CLEC16A: variants seen among roughly 807,000 people sequenced by gnomAD.
The protein encoded by CLEC16A is C-type lectin domain containing 16A.
CLEC16A carries 51 observed loss-of-function variants against 109.5 expected under a neutral mutation model. That is an observed-to-expected ratio of 0.47 (90% CI 0.37 to 0.59). The LOEUF (loss-of-function observed/expected upper bound fraction) is 0.59, where lower values mean the gene tolerates loss of function less well. Ranked by LOEUF, CLEC16A falls within the 20% of genes least tolerant of loss-of-function variation. The probability of loss-of-function intolerance (pLI) is 0.00; values close to 1 mark genes in which losing one functional copy is unlikely to be tolerated. For synonymous variants in CLEC16A, 673 were observed against 564.2 expected, an observed-to-expected ratio of 1.19 and a Z score of -2.73; for missense variants, 1,339 against 1,394.0, an observed-to-expected ratio of 0.96 and a Z score of 0.63.
chr16:11,177,525 G>A (rs529553504), intron 23 of CLEC16A, among the ~76,000 whole-genome samples: 9 of 152,072 alleles, frequency 5.9e-5, no homozygotes, highest in Admixed American at 3.9e-4. Flanking sequence ...ACTTGACCCC[G>A]GGAGGTGGAA....
Position 11,166,567 on chromosome 16 carries a change from A to C in CLEC16A, c.2806+15A>C. On this transcript the variant is annotated intron_variant, in intron 23 of 23. Transcript: ENST00000409790. ...GAGTCCAGCAGGTATTGGCCACGTG[A>C]CTCAGTGATATGGGGACATTTGGAG... 1 of 1,570,932 alleles carries C rather than the reference A, an allele frequency of 6.4e-7. No homozygotes were observed. The highest frequency in any genetic ancestry group is 8.6e-7 in the Non-Finnish European group (1 of 1,158,542).
chr16:11,155,304 A>G lies in CLEC16A; in HGVS notation c.2642-11084A>G, dbSNP rs1473864212. Among the ~76,000 whole-genome samples the G allele has an allele frequency of 2.6e-5, 4 of 152,336 alleles. 1 individual carries two copies. The South Asian group carries it at 6.2e-4, about 24-fold the overall frequency. On this transcript the variant is annotated intron_variant, in intron 22 of 23. Coordinates refer to ENST00000409790, the MANE Select transcript of CLEC16A (RefSeq NM_015226.3). ...TGTCACTCTGCTTTAGAGTGACAAC[A>G]GTGCTTTAGAGGACACAGGCTCGTG...
chr16:10,969,070 A>T, intron 3 of CLEC16A, 91 bp from the exon 4 acceptor site: 1 of 1,074,932 alleles, frequency 9.3e-7, no homozygotes. Flanking sequence ...GGCTTACCTG[A>T]TTCAAGTACA....
Position 11,043,720 on chromosome 16 carries a change from C to G in CLEC16A, c.1771-308C>G, listed in dbSNP as rs192680751. On this transcript the variant is annotated intron_variant, in intron 15 of 23. Transcript: ENST00000409790. The stretch of plus-strand genomic sequence containing the variant: ...TCTCTACTAAAAATACAAAAATTAG[C>G]CAGGCATGGTGATGGGTGCCTGTAA... 1.6e-3 allele frequency among the ~76,000 whole-genome samples: 242 copies of G among 152,100 alleles called. 1 individual carries two copies. Among genetic ancestry groups the G allele is most frequent in the African/African-American group, 5.5e-3 (228 of 41,492 alleles).
rs2068950831 is a variant in CLEC16A, at chr16:11,181,314, T to C, written c.*2624T>C. The stretch of plus-strand genomic sequence containing the variant: ...TGGCATCCAGAGGAAGAGCCAGGAG[T>C]GTGGGAAGGCCCACAGTGGGGGCTG... On this transcript the variant is annotated 3_prime_UTR_variant, in exon 24 of 24. Coordinates refer to ENST00000409790, the MANE Select transcript of CLEC16A (RefSeq NM_015226.3). 6.6e-6 allele frequency: 1 copy of C among 151,824 alleles called. No homozygotes were observed. Among genetic ancestry groups the C allele is most frequent in the Admixed American group, 6.6e-5 (1 of 15,262 alleles). 9.4% of individuals were successfully genotyped at this position (151,824 alleles called of 1,614,324 possible).
intron 11 of CLEC16A, among the ~76,000 whole-genome samples, chr16:11,015,454 G>A (rs1302322357): frequency 6.6e-6 from 1 of 152,184 alleles, no homozygotes. Context: ...CCAGACGGTG[G>A]TTTTCAAGCA....
chr16:11,048,043 T>A (rs2047725930), intron 17 of CLEC16A: 1 of 152,274 alleles, frequency 6.6e-6, no homozygotes. Context: ...GTCTCACCAT[T>A]CAAGGTGCGA....
Position 11,075,424 on chromosome 16 carries a change from GTGTA to G in CLEC16A, c.2116+14406_2116+14409del, listed in dbSNP as rs1306426354. On this transcript the variant is annotated intron_variant, in intron 19 of 23. Transcript: ENST00000409790. ...TGTGTGTGTGTGTCTGTGTGTGTGT[GTGTA>G]TGTGTGTGTGTGTGTGTGTGTGTTT... Among the ~76,000 whole-genome samples the G allele has an allele frequency of 7.9e-3, 1,163 of 147,228 alleles. 16 individuals carry two copies. The highest frequency in any genetic ancestry group is 0.024 in the African/African-American group (927 of 38,970).
In CLEC16A at chr16:11,047,752, T is replaced by C. The variant is rs150647828; in HGVS notation, c.1866+410T>C. 738 of 153,384 alleles carry C rather than the reference T, an allele frequency of 4.8e-3. 6 individuals carry two copies. The highest frequency in any genetic ancestry group is 9.9e-3 in the Middle Eastern group (3 of 302). The allele number at this position is 153,384 out of a possible 1,614,324, so 9.5% of individuals were successfully genotyped here. A position where few individuals can be genotyped will look rare whatever the true frequency, so the allele number is the denominator to read the frequency against. On this transcript the variant is annotated intron_variant, in intron 17 of 23. Coordinates refer to ENST00000409790, the MANE Select transcript of CLEC16A (RefSeq NM_015226.3). ...CTCTTCTCATACTGCTACGCAGAAA[T>C]ACCCAAGACTGGGTAATTTATAAAG...
At chr16:11,062,546 C>G (rs2048539653) in intron 19 of CLEC16A, among the ~76,000 whole-genome samples, 1 of 152,140 alleles carries the variant, frequency 6.6e-6, no homozygotes, top group Non-Finnish European at 1.5e-5. Flanking sequence ...TAGTGCCTAC[C>G]GTGTAACTGT....
intron 19 of CLEC16A, among the ~76,000 whole-genome samples, chr16:11,118,000 G>T (rs1159443621): frequency 6.6e-6 from 1 of 151,868 alleles, no homozygotes; most frequent in East Asian, 1.9e-4. Context: ...TTTAGACAGG[G>T]TCTCGCTTTT....
chr16:11,146,042 G>A (rs1324780938), intron 22 of CLEC16A, among the ~76,000 whole-genome samples: 1 of 152,206 alleles, frequency 6.6e-6, no homozygotes, highest in Non-Finnish European at 1.5e-5. Flanking sequence ...CCTATTTGGA[G>A]GGCCCTGACC....
chr16:10,953,976 C>CAAA (rs55810681), intron 1 of CLEC16A, among the ~76,000 whole-genome samples: 17,415 of 145,370 alleles, frequency 0.12, 1,059 homozygotes, highest in South Asian at 0.14. Context: ...GACTCCGTCT[C>CAAA]AAAAAAAAAA....
chr16:11,095,817 G>GAAAAAAAAA (rs34366897), intron 19 of CLEC16A, among the ~76,000 whole-genome samples: 2 of 105,874 alleles, frequency 1.9e-5, no homozygotes, highest in Non-Finnish European at 3.8e-5. Flanking sequence ...GTCTCAAAAA[G>GAAAAAAAAA]AAAAAAAAAA....
intron 22 of CLEC16A, among the ~76,000 whole-genome samples, chr16:11,134,348 C>T (rs2053434201): frequency 6.6e-6 from 1 of 152,076 alleles, no homozygotes; most frequent in Non-Finnish European, 1.5e-5. Context: ...AAGAATTAAC[C>T]ATGTTGGGCA....
chr16:11,012,619 A>G (rs2045500633), intron 11 of CLEC16A, among the ~76,000 whole-genome samples: 3 of 146,964 alleles, frequency 2.0e-5, no homozygotes, highest in African/African-American at 7.7e-5. Flanking sequence ...AAAAAAAAAA[A>G]AAGAAAGATT....
chr16:11,134,616 T>G (rs1236670110), intron 22 of CLEC16A, among the ~76,000 whole-genome samples: 1 of 152,242 alleles, frequency 6.6e-6, no homozygotes, highest in Non-Finnish European at 1.5e-5. Flanking sequence ...TTGGAATATT[T>G]GCATTATACT....
chr16:11,024,885 G>C lies in CLEC16A; in HGVS notation c.1501G>C (p.Val501Leu). Reference sequence around the variant, plus strand: ...GGATGATGATTACCATGCCCTGTTCGTGCTCTGCCTCCTCTATGCCATGTC... The same window carrying C: ...GGATGATGATTACCATGCCCTGTTCCTGCTCTGCCTCCTCTATGCCATGTC... ...SPDDDYHALF[V>L]LCLLYAMSHN... Residue 501 changes from valine to leucine, a missense_variant, in exon 13 of 24, where the codon GTG becomes CTG. Physicochemically the swap from Val to Leu is conservative, Grantham distance 32 (BLOSUM62 1). Transcript: ENST00000409790. 6.2e-7 allele frequency: 1 copy of C among 1,609,870 alleles called. No individual in the cohort carries two copies. The highest frequency in any genetic ancestry group is 8.5e-7 in the Non-Finnish European group (1 of 1,178,198).
intron 10 of CLEC16A, among the ~76,000 whole-genome samples, chr16:10,997,132 T>A (rs928719760): frequency 6.6e-6 from 1 of 152,096 alleles, no homozygotes; most frequent in Admixed American, 6.6e-5. Flanking sequence ...CAGCTAAATT[T>A]TGTATTTTTT....
Sources: gnomAD v4.1 joint callset for allele counts (sites outside exome capture counted in the v4.1 genomes callset) on GRCh38, gnomAD v4.1.1 for gene constraint, MANE v1.5 for transcripts, NCBI Gene and HGNC (gene_info 2026-07-23, HGNC 2026-07-21) for gene names.